Variants in SEMA3A observed in about 807,000 individuals in gnomAD.
SEMA3A encodes semaphorin 3A.
A neutral mutation model predicts 97.9 loss-of-function variants in SEMA3A; 29 were observed. The observed-to-expected ratio is 0.30, with a 90% CI of 0.22 to 0.40. The LOEUF is 0.40. SEMA3A is among the 10% of genes least tolerant of loss of function. The pLI, the probability that SEMA3A is intolerant of heterozygous loss-of-function variation, is 1.00. For missense variants in SEMA3A, 763 were observed against 951.3 expected (o/e 0.80, Z 2.60); for synonymous variants, 321 against 323.7 (o/e 0.99, Z 0.09).
intron 1 of SEMA3A, among the ~76,000 whole-genome samples, chr7:84,416,864 C>T (rs1161509464): frequency 6.6e-6 from 1 of 152,072 alleles, no homozygotes; most frequent in Non-Finnish European, 1.5e-5. Context: ...GACAAACTTT[C>T]AGAAGAATAA....
chr7:84,332,530 A>G (rs1801932192), intron 2 of SEMA3A, among the ~76,000 whole-genome samples: 1 of 152,120 alleles, frequency 6.6e-6, no homozygotes, highest in Non-Finnish European at 1.5e-5. Context: ...GAGAAAAGAC[A>G]ATTTAAAATC....
At chr7:84,104,067 T>A (rs1795036578) in intron 4 of SEMA3A, among the ~76,000 whole-genome samples, 1 of 152,018 alleles carries the variant, frequency 6.6e-6, no homozygotes. Flanking sequence ...CCAAACTAGG[T>A]ATTAGTCTAC....
At chr7:84,305,937 T>A (rs1217280529) in intron 3 of SEMA3A, among the ~76,000 whole-genome samples, 1 of 151,570 alleles carries the variant, frequency 6.6e-6, no homozygotes, top group African/African-American at 2.4e-5. Flanking sequence ...TATATATACA[T>A]GTATTAATTT....
In SEMA3A at chr7:84,312,899, TATATATATATATATATATATATAC is replaced by T. The variant is rs767786652; in HGVS notation, c.-168-5631_-168-5608del. Reference sequence around the variant, plus strand: ...ATATATATATATATATATATATATATATATATATATATATATATATATACACACACACACACACACACACGTACA... The same window carrying T: ...ATATATATATATATATATATATATATACACACACACACACACACACGTACA... On this transcript the variant is annotated intron_variant, in intron 2 of 3. Coordinates refer to the SEMA3A transcript ENST00000424555. Among the ~76,000 whole-genome samples, 166 of 62,884 alleles carry T rather than the reference TATATATATATATATATATATATAC, an allele frequency of 2.6e-3. 6 individuals are homozygous for T. Among genetic ancestry groups the T allele is most frequent in the Non-Finnish European group, 3.9e-3 (109 of 27,660 alleles). The allele number at this position is 62,884 out of a possible 152,430, so 41.3% of individuals were successfully genotyped here. A position where few individuals can be genotyped will look rare whatever the true frequency, so the allele number is the denominator to read the frequency against.
At chr7:84,036,366 T>A (rs1006084060) in intron 6 of SEMA3A, among the ~76,000 whole-genome samples, 2 of 152,144 alleles carry the variant, frequency 1.3e-5, no homozygotes, top group Non-Finnish European at 2.9e-5. Flanking sequence ...TAACAGTTCC[T>A]TGAACCTAGT....
intron 6 of SEMA3A, among the ~76,000 whole-genome samples, chr7:84,018,123 A>T (rs1045069800): frequency 6.6e-6 from 1 of 152,154 alleles, no homozygotes; most frequent in Non-Finnish European, 1.5e-5. Context: ...CGACAAATAT[A>T]CATCTTTAAT....
chr7:84,213,746 T>C (rs563291382), intron 3 of SEMA3A, among the ~76,000 whole-genome samples: 13 of 152,222 alleles, frequency 8.5e-5, no homozygotes, highest in African/African-American at 1.2e-4. Flanking sequence ...AGAAAATAGA[T>C]GCAAAAGAAT....
chr7:84,236,854 T>G (rs183037196), intron 3 of SEMA3A, among the ~76,000 whole-genome samples: 1 of 152,124 alleles, frequency 6.6e-6, no homozygotes, highest in Non-Finnish European at 1.5e-5. Context: ...CAGTTAATTC[T>G]ATATGTGAGT....
intron 1 of SEMA3A, among the ~76,000 whole-genome samples, chr7:84,193,597 T>G (rs1474179481): frequency 6.6e-6 from 1 of 152,072 alleles, no homozygotes; most frequent in Non-Finnish European, 1.5e-5. Context: ...TGTATGTATA[T>G]CATTTTGGGC....
chr7:84,046,299 C>A, intron 6 of SEMA3A, 25 bp downstream of exon 6: 1 of 1,610,832 alleles, frequency 6.2e-7, no homozygotes, highest in Non-Finnish European at 8.5e-7. Context: ...TGTTACATGT[C>A]TATGTTCTTT....
chr7:84,180,247 G>A lies in SEMA3A; in HGVS notation c.112+14228C>T, dbSNP rs550742860. 2.6e-5 allele frequency among the ~76,000 whole-genome samples: 4 copies of A among 151,664 alleles called. No homozygotes were observed. In the South Asian group the frequency reaches 8.4e-4, roughly 32 times the overall value. ...AGGCATGAGCCACCGTGCCCGGCCT[G>A]CTTAGCTGTTCTATTCCTGGTCATT... On this transcript the variant is annotated intron_variant, in intron 1 of 16. Coordinates refer to ENST00000265362, the MANE Select transcript of SEMA3A (RefSeq NM_006080.3).
intron 3 of SEMA3A, among the ~76,000 whole-genome samples, chr7:84,266,182 A>G (rs1464543647): frequency 2.0e-5 from 3 of 151,794 alleles, no homozygotes; most frequent in African/African-American, 7.3e-5. Flanking sequence ...TTAGCCAGGC[A>G]TAGTGGTGCA....
At chr7:84,484,759 A>G (rs568143450) in intron 1 of SEMA3A, among the ~76,000 whole-genome samples, 4 of 152,332 alleles carry the variant, frequency 2.6e-5, no homozygotes, top group African/African-American at 4.8e-5. Context: ...GAATCAAAAT[A>G]TGATGGCAAT....
intron 3 of SEMA3A, among the ~76,000 whole-genome samples, chr7:84,289,183 G>C (rs1800675905): frequency 6.6e-6 from 1 of 152,094 alleles, no homozygotes; most frequent in Non-Finnish European, 1.5e-5. Context: ...TGGAATTAGA[G>C]AGTAGAATAG....
chr7:84,056,153 C>T (rs989517758), intron 5 of SEMA3A, among the ~76,000 whole-genome samples: 12 of 149,002 alleles, frequency 8.1e-5, no homozygotes, highest in South Asian at 4.2e-4. Flanking sequence ...TTTGAGGATA[C>T]GACCATTCTT....
At chr7:84,175,306 T>C (rs1361760586) in intron 1 of SEMA3A, among the ~76,000 whole-genome samples, 1 of 152,238 alleles carries the variant, frequency 6.6e-6, no homozygotes, top group African/African-American at 2.4e-5. Context: ...AAATGGGAAT[T>C]ATTAATGTTA....
intron 1 of SEMA3A, among the ~76,000 whole-genome samples, chr7:84,426,232 T>C (rs999438776): frequency 6.6e-6 from 1 of 151,708 alleles, no homozygotes; most frequent in Non-Finnish European, 1.5e-5. Context: ...TGTTGAAGTA[T>C]AGATACATAG....
intron 6 of SEMA3A, among the ~76,000 whole-genome samples, chr7:84,014,946 C>T (rs895289823): frequency 1.5e-4 from 23 of 152,060 alleles, no homozygotes; most frequent in African/African-American, 5.6e-4. Context: ...CCTTATTTAT[C>T]ATGATTTCTT....
intron 2 of SEMA3A, among the ~76,000 whole-genome samples, chr7:84,336,442 T>C (rs1802040267): frequency 6.6e-6 from 1 of 152,142 alleles, no homozygotes; most frequent in Non-Finnish European, 1.5e-5. Flanking sequence ...CGCCAATAGA[T>C]ACAGGCCTAA....
Sources: allele counts gnomAD v4.1 joint callset (sites outside exome capture counted in the v4.1 genomes callset), GRCh38; gene constraint gnomAD v4.1.1; transcripts MANE v1.5; gene names NCBI Gene and HGNC (gene_info 2026-07-23, HGNC 2026-07-21).